NAF1: variants seen among roughly 807,000 people sequenced by gnomAD.
NAF1 encodes H/ACA ribonucleoprotein complex non-core subunit NAF1.
In NAF1, 11 loss-of-function variants were observed where a neutral mutation model predicts 40.6. The ratio of observed to expected loss-of-function variants is 0.27; its 90% confidence interval spans 0.17 to 0.45. NAF1 has a LOEUF of 0.45. NAF1 is among the 20% of genes least tolerant of loss of function. The pLI is 1.00. For synonymous variants in NAF1, 260 were observed against 228.5 expected (o/e 1.14, Z -1.24); for missense variants, 607 against 611.1 (o/e 0.99, Z 0.07).
chr4:163,138,535 C>T (rs1731142993), intron 5 of NAF1, among the ~76,000 whole-genome samples: 1 of 152,060 alleles, frequency 6.6e-6, no homozygotes, highest in Admixed American at 6.6e-5. Context: ...ATCAAAATAG[C>T]CTCATTAGAG....
intron 2 of NAF1, 124 bp downstream of exon 2, chr4:163,164,093 A>G: frequency 8.2e-7 from 1 of 1,221,980 alleles, no homozygotes; most frequent in Admixed American, 4.1e-5. Context: ...TACCAAAAGC[A>G]TGCCTATTAG....
At chr4:163,152,342 G>T (rs1433748664) in intron 2 of NAF1, among the ~76,000 whole-genome samples, 1 of 152,184 alleles carries the variant, frequency 6.6e-6, no homozygotes, top group Non-Finnish European at 1.5e-5. Context: ...CAGTCTACAA[G>T]GTCTGATGAA....
At chr4:163,145,891 G>T (rs369552486) in intron 3 of NAF1, 27 bp from the exon 4 acceptor site, 2 of 1,070,244 alleles carry the variant, frequency 1.9e-6, no homozygotes, top group Non-Finnish European at 1.4e-6. Flanking sequence ...ATTACTTCAA[G>T]ATTTACTTAT....
At chr4:163,127,082 C>A (rs898197413), downstream of NAF1, 4 of 1,551,604 alleles carry the variant, frequency 2.6e-6, no homozygotes, top group Non-Finnish European at 3.5e-6. Flanking sequence ...TGGTCTGGAT[C>A]CGAGGCCACA....
At position 163,149,482 on chromosome 4, in the gene NAF1, C is replaced by T. The variant is rs1731609015; in HGVS notation, c.541-1048G>A. Among the ~76,000 whole-genome samples, 4 of 152,096 alleles carry T rather than the reference C, an allele frequency of 2.6e-5. No individual in the cohort carries two copies. In the South Asian group the frequency reaches 8.3e-4, roughly 32 times the overall value. ...TTGATAAGCAGACATCTAAAATACA[C>T]TTTGTTTCTGGGATATGCTATTTTC... On this transcript the variant is annotated intron_variant, in intron 2 of 7. Transcript: ENST00000274054.
the NAF1 span, among the ~76,000 whole-genome samples, chr4:163,104,188 C>G: frequency 8.2e-4 from 124 of 151,858 alleles, no homozygotes; most frequent in African/African-American, 1.2e-3. Context: ...CACAATGGCG[C>G]AATGTCATCA....
intron 6 of NAF1, 31 bp from the exon 7 acceptor site, chr4:163,133,287 G>A: frequency 6.4e-7 from 1 of 1,566,800 alleles, no homozygotes; most frequent in Non-Finnish European, 8.8e-7. Flanking sequence ...ATAGGTTTAT[G>A]TTACATGAAT....
chr4:163,139,886 A>G (rs1467738802), intron 5 of NAF1, among the ~76,000 whole-genome samples: 1 of 152,146 alleles, frequency 6.6e-6, no homozygotes, highest in Non-Finnish European at 1.5e-5. Context: ...AACTGAAAAA[A>G]AAGTTATTAA....
At chr4:163,119,333 T>C (rs926126877) in intron 2 of NAF1, 7 of 152,230 alleles carry the variant, frequency 4.6e-5, no homozygotes, top group Non-Finnish European at 7.3e-5. Flanking sequence ...CTTCTTTTAA[T>C]GTAAGAATGA....
intron 6 of NAF1, among the ~76,000 whole-genome samples, chr4:163,136,748 G>A (rs1248704764): frequency 6.6e-6 from 1 of 152,130 alleles, no homozygotes; most frequent in African/African-American, 2.4e-5. Context: ...AAGTAGAGAG[G>A]TAGGTAGCTT....
chr4:163,131,680 AG>A (rs1163351252), intron 7 of NAF1, among the ~76,000 whole-genome samples: 3 of 152,220 alleles, frequency 2.0e-5, no homozygotes, highest in Non-Finnish European at 2.9e-5. Flanking sequence ...AAAGCTAAGC[AG>A]GAAGTTCTCA....
chr4:163,120,901 A>AT (rs967418891), intron 2 of NAF1, among the ~76,000 whole-genome samples: 13 of 151,686 alleles, frequency 8.6e-5, no homozygotes, highest in African/African-American at 1.7e-4. Context: ...TGATTTATTT[A>AT]TTTTTTTTGA....
intron 5 of NAF1, among the ~76,000 whole-genome samples, chr4:163,138,257 T>C (rs1731131737): frequency 6.6e-6 from 1 of 152,148 alleles, no homozygotes; most frequent in Non-Finnish European, 1.5e-5. Flanking sequence ...TATGAGCCAT[T>C]ATCAATGGCT....
At chr4:163,122,415 G>A (rs191316682), downstream of NAF1, among the ~76,000 whole-genome samples, 8 of 152,226 alleles carry the variant, frequency 5.3e-5, 1 homozygote, top group Middle Eastern at 6.8e-3. Flanking sequence ...GAAAGCATTC[G>A]ATATTCATTG....
intron 2 of NAF1, among the ~76,000 whole-genome samples, chr4:163,111,147 T>C (rs952167074): frequency 6.6e-6 from 1 of 152,140 alleles, no homozygotes; most frequent in Non-Finnish European, 1.5e-5. Context: ...AAGTGTTGAA[T>C]ATATACTTCT....
chr4:163,121,443 C>T (rs1162053471), intron 2 of NAF1, among the ~76,000 whole-genome samples: 1 of 152,006 alleles, frequency 6.6e-6, no homozygotes, highest in East Asian at 1.9e-4. Flanking sequence ...CTTTTGTATC[C>T]CGAATGCACT....
chr4:163,107,700 T>G (rs1243886577), downstream of NAF1, among the ~76,000 whole-genome samples: 1 of 152,196 alleles, frequency 6.6e-6, no homozygotes, highest in Non-Finnish European at 1.5e-5. Flanking sequence ...TAAGATTTTT[T>G]TAATAAATGG....
chr4:163,113,117 T>C (rs1730214525), intron 2 of NAF1, among the ~76,000 whole-genome samples: 1 of 152,230 alleles, frequency 6.6e-6, no homozygotes, highest in African/African-American at 2.4e-5. Context: ...TTGTCTTTTG[T>C]TTCCCAGTTA....
chr4:163,155,220 AAC>A (rs1317766381), intron 2 of NAF1, among the ~76,000 whole-genome samples: 1 of 152,144 alleles, frequency 6.6e-6, no homozygotes, highest in African/African-American at 2.4e-5. Flanking sequence ...CTTTTTTCTA[AAC>A]ACATTGTTGT....
Sources: gnomAD v4.1 joint callset for allele counts (sites outside exome capture counted in the v4.1 genomes callset) on GRCh38, gnomAD v4.1.1 for gene constraint, MANE v1.5 for transcripts, NCBI Gene and HGNC (gene_info 2026-07-23, HGNC 2026-07-21) for gene names.